The following EYS variants were observed in gnomAD, a reference collection of about 807,000 sequenced individuals.
EYS encodes the protein protein eyes shut homolog.
In EYS, 250 loss-of-function variants were observed where a neutral mutation model predicts 282.1. The ratio of observed to expected loss-of-function variants is 0.89; its 90% CI spans 0.80 to 0.98. EYS has a LOEUF of 0.98. Among genes scored for constraint, EYS ranks in the 50% least tolerant of loss-of-function variants. The probability of loss-of-function intolerance (pLI) is 0.00; values close to 1 mark genes in which losing one functional copy is unlikely to be tolerated. For synonymous variants in EYS, 1,355 were observed against 1,282.9 expected (o/e 1.06, Z -1.20); for missense variants, 4,016 against 3,709.0 (o/e 1.08, Z -2.15).
At chr6:63,936,948 G>A (rs937427381) in intron 35 of EYS, among the ~76,000 whole-genome samples, 2 of 152,150 alleles carry the variant, frequency 1.3e-5, no homozygotes, top group African/African-American at 4.8e-5. Flanking sequence ...GGTGTGATAA[G>A]GGACAACTGA....
At chr6:64,136,057 A>G (rs1356371166) in intron 31 of EYS, among the ~76,000 whole-genome samples, 1 of 151,890 alleles carries the variant, frequency 6.6e-6, no homozygotes, top group Admixed American at 6.6e-5. Context: ...CCACTGCTTT[A>G]TCAACTAAAT....
chr6:64,577,348 A>G (rs191905685), intron 26 of EYS, among the ~76,000 whole-genome samples: 1 of 152,168 alleles, frequency 6.6e-6, no homozygotes, highest in East Asian at 1.9e-4. Flanking sequence ...TCATGTCTTC[A>G]ACATCCACCA....
At chr6:64,299,906 G>A (rs1207828865) in intron 30 of EYS, among the ~76,000 whole-genome samples, 1 of 152,132 alleles carries the variant, frequency 6.6e-6, no homozygotes, top group Admixed American at 6.5e-5. Flanking sequence ...GCCTAAAAAG[G>A]AGAAGGAGGA....
At chr6:64,659,227 T>C (rs1189935560) in intron 22 of EYS, among the ~76,000 whole-genome samples, 4 of 152,018 alleles carry the variant, frequency 2.6e-5, no homozygotes, top group Admixed American at 2.6e-4. Flanking sequence ...CTGGGACACA[T>C]TCAAAGCAGT....
intron 22 of EYS, among the ~76,000 whole-genome samples, chr6:64,629,851 G>A (rs547264885): frequency 3.3e-4 from 50 of 152,050 alleles, no homozygotes; most frequent in Non-Finnish European, 5.4e-4. Flanking sequence ...GATAAAGACC[G>A]TTCTGTTTCT....
intron 12 of EYS, among the ~76,000 whole-genome samples, chr6:65,103,460 A>G (rs1017058504): frequency 6.6e-6 from 1 of 151,288 alleles, no homozygotes; most frequent in Non-Finnish European, 1.5e-5. Context: ...TGACCTTTTC[A>G]TTCAAAAATT....
intron 29 of EYS, among the ~76,000 whole-genome samples, chr6:64,382,794 GCACTCAAGAGTTT>G (rs1772789335): frequency 6.6e-6 from 1 of 152,148 alleles, no homozygotes; most frequent in Admixed American, 6.5e-5. Flanking sequence ...CGGACTATTG[GCACTCAAGAGTTT>G]TATAAGGGCA....
At chr6:64,092,560 A>T (rs1772408152) in intron 31 of EYS, among the ~76,000 whole-genome samples, 1 of 151,944 alleles carries the variant, frequency 6.6e-6, no homozygotes, top group East Asian at 1.9e-4. Flanking sequence ...CTTTTGAGAA[A>T]TGTCTGTTCA....
chr6:64,646,463 T>C (rs1582992582), intron 22 of EYS, among the ~76,000 whole-genome samples: 1 of 152,240 alleles, frequency 6.6e-6, no homozygotes, highest in South Asian at 2.1e-4. Context: ...TATAAGTACA[T>C]GATTGTCTGC....
chr6:65,428,847 C>T (rs1244912594), intron 5 of EYS, among the ~76,000 whole-genome samples: 4 of 151,932 alleles, frequency 2.6e-5, no homozygotes, highest in Non-Finnish European at 4.4e-5. Flanking sequence ...GCTAATAAAT[C>T]CCCCACATGA....
chr6:64,723,966 C>T (rs574538324), intron 22 of EYS, among the ~76,000 whole-genome samples: 1 of 152,312 alleles, frequency 6.6e-6, no homozygotes, highest in South Asian at 2.1e-4. Context: ...TTAACCATAA[C>T]CTCCTGGTGG....
chr6:63,744,790 A>T (rs1368244900), intron 41 of EYS: 2 of 196,258 alleles, frequency 1.0e-5, no homozygotes, highest in Non-Finnish European at 2.1e-5. Context: ...CTGGTCTCGA[A>T]CTCCTGACCT....
chr6:64,889,968 T>A (rs1767227098), intron 18 of EYS, among the ~76,000 whole-genome samples: 1 of 150,976 alleles, frequency 6.6e-6, no homozygotes, highest in Non-Finnish European at 1.5e-5. Context: ...CTGGGAGAAA[T>A]ATCACTGAAT....
intron 39 of EYS, among the ~76,000 whole-genome samples, chr6:63,781,004 GA>G (rs965199351): frequency 4.8e-4 from 73 of 152,282 alleles, no homozygotes; most frequent in African/African-American, 1.7e-3. Flanking sequence ...ATTAAGTAGG[GA>G]ATCCTTTCCC....
chr6:64,330,559 G>T (rs181798394), intron 29 of EYS, among the ~76,000 whole-genome samples: 4 of 152,162 alleles, frequency 2.6e-5, no homozygotes, highest in African/African-American at 9.7e-5. Context: ...AAAAGGAATA[G>T]CTACAGGAGT....
At chr6:65,451,044 G>C (rs1764377101) in intron 5 of EYS, among the ~76,000 whole-genome samples, 1 of 151,178 alleles carries the variant, frequency 6.6e-6, no homozygotes, top group Non-Finnish European at 1.5e-5. Flanking sequence ...TTTTCCTTTG[G>C]CATACTTATA....
intron 14 of EYS, among the ~76,000 whole-genome samples, chr6:64,988,021 C>T (rs1375498131): frequency 6.6e-6 from 1 of 151,226 alleles, no homozygotes; most frequent in African/African-American, 2.4e-5. Flanking sequence ...TCCCATTGGT[C>T]TCTTTTGAGT....
chr6:64,072,240 A>G (rs1327123495), intron 32 of EYS, among the ~76,000 whole-genome samples: 6 of 151,976 alleles, frequency 3.9e-5, no homozygotes, highest in Non-Finnish European at 8.8e-5. Context: ...TAAATGTCCT[A>G]TTTTAGGATC....
intron 26 of EYS, among the ~76,000 whole-genome samples, chr6:64,450,692 G>T (rs1055337180): frequency 6.6e-6 from 1 of 152,094 alleles, no homozygotes; most frequent in Non-Finnish European, 1.5e-5. Context: ...TAGAACTCAG[G>T]ATTAAGAAAC....
Sources: gnomAD v4.1 joint callset for allele counts (sites outside exome capture counted in the v4.1 genomes callset) on GRCh38, gnomAD v4.1.1 for gene constraint, MANE v1.5 for transcripts, NCBI Gene and HGNC (gene_info 2026-07-23, HGNC 2026-07-21) for gene names.